DIPK2A: variants seen among roughly 807,000 people sequenced by gnomAD.
DIPK2A encodes divergent protein kinase domain 2A.
In DIPK2A, 27 loss-of-function variants were observed where a neutral mutation model predicts 39.0. That is an observed-to-expected ratio of 0.69 (90% confidence interval 0.51 to 0.96). The LOEUF (loss-of-function observed/expected upper bound fraction) is 0.96, where lower values mean the gene tolerates loss of function less well. Among genes scored for constraint, DIPK2A ranks in the 40% least tolerant of loss-of-function variants. The pLI is 0.00. For synonymous variants in DIPK2A, 298 were observed against 240.8 expected, an observed-to-expected ratio of 1.24 and a Z score of -2.20; for missense variants, 528 against 571.3, an observed-to-expected ratio of 0.92 and a Z score of 0.77.
Position 143,972,551 on chromosome 3 carries a change from A to C in DIPK2A, c.219A>C (p.Val73=). 6.2e-7 allele frequency: 1 copy of C among 1,612,348 alleles called. No homozygotes were observed. The highest frequency in any genetic ancestry group is 8.5e-7 in the Non-Finnish European group (1 of 1,179,706). ...WCRRFLNGQV[V]FEAWGRLRLL... ...GCCGCTTCCTCAACGGGCAGGTGGT[A>C]TTCGAGGCGTGGGGCCGCTTGCGCC... The change falls in exon 1 of 3, where the codon GTA becomes GTC. Residue 73 remains valine (V), a synonymous_variant. Transcript: ENST00000315691.
chr3:143,980,949 A>G (rs2087820428), intron 1 of DIPK2A, among the ~76,000 whole-genome samples: 2 of 152,218 alleles, frequency 1.3e-5, no homozygotes, highest in South Asian at 4.1e-4. Context: ...GAGAAAAAAG[A>G]ATACAAGCAC....
intron 1 of DIPK2A, among the ~76,000 whole-genome samples, chr3:143,977,268 G>C (rs2087744266): frequency 6.6e-6 from 1 of 152,034 alleles, no homozygotes; most frequent in Non-Finnish European, 1.5e-5. Flanking sequence ...TATTGGATTA[G>C]ATCCTTTTCA....
At chr3:143,986,722 CAAAAAAAAAAAAA>C (rs11293429) in intron 2 of DIPK2A, among the ~76,000 whole-genome samples, 2 of 67,060 alleles carry the variant, frequency 3.0e-5, no homozygotes, top group African/African-American at 7.9e-5. Flanking sequence ...GACTCCGTCT[CAAAAAAAAAAAAA>C]AAAAAAGAAA....
chr3:143,975,254 C>T (rs867750889), intron 1 of DIPK2A, among the ~76,000 whole-genome samples: 32 of 152,104 alleles, frequency 2.1e-4, no homozygotes, highest in Middle Eastern at 3.4e-3. Context: ...TGAGTACATA[C>T]TGTGTAATAT....
chr3:143,978,660 C>CTATA (rs1213006964), intron 1 of DIPK2A: 19 of 76,062 alleles, frequency 2.5e-4, no homozygotes, highest in African/African-American at 9.1e-4. Context: ...ATATATATAT[C>CTATA]TATATATAGA....
At chr3:143,976,846 A>G (rs186389484) in intron 1 of DIPK2A, among the ~76,000 whole-genome samples, 1 of 152,062 alleles carries the variant, frequency 6.6e-6, no homozygotes, top group Admixed American at 6.5e-5. Context: ...TAAATGATAT[A>G]ATACATGCAA....
intron 1 of DIPK2A, among the ~76,000 whole-genome samples, chr3:143,982,283 G>A (rs1452644243): frequency 6.6e-6 from 1 of 152,118 alleles, no homozygotes; most frequent in Non-Finnish European, 1.5e-5. Flanking sequence ...ATTTGTAGAT[G>A]CCGTTTTAGT....
chr3:143,983,343 T>A (rs1180109641), intron 1 of DIPK2A, among the ~76,000 whole-genome samples: 1 of 152,160 alleles, frequency 6.6e-6, no homozygotes, highest in East Asian at 1.9e-4. Flanking sequence ...AAGAAAATCA[T>A]AACAGTCTCT....
At position 143,972,127 on chromosome 3, in the gene DIPK2A, G is replaced by T; in HGVS notation, c.-206G>T. ...GGGAGCTCGAGAGTTGTGGAGACTA[G>T]TGACTGGGAGAAGTCGCAGCCCGCT... On this transcript the variant is annotated 5_prime_UTR_variant, in exon 1 of 3. Transcript: ENST00000315691. The T allele has an allele frequency of 2.4e-6, 1 of 418,010 alleles. No individual in the cohort carries two copies. The allele number at this position is 418,010 out of a possible 1,614,324, so 25.9% of individuals were successfully genotyped here.
intron 1 of DIPK2A, among the ~76,000 whole-genome samples, chr3:143,983,725 G>T (rs1185458501): frequency 1.3e-5 from 2 of 152,086 alleles, no homozygotes; most frequent in East Asian, 3.8e-4. Context: ...AACTGAAGGA[G>T]ATAGAGACAC....
chr3:143,972,873 C>T lies in DIPK2A; in HGVS notation c.541C>T (p.Arg181Cys), dbSNP rs754286483. ...GCAGCGCCTTCTCGACCGCCTGGTG[C>T]GCCGCTACGCGGAGACCAAGGACTC... ...PSQRLLDRLVRRYAETKDSGS... is the reference protein window; with the variant it reads ...PSQRLLDRLVCRYAETKDSGS... The change falls in exon 1 of 3, where the codon CGC (arginine) becomes TGC (cysteine). Residue 181 changes from arginine (R) to cysteine (C), a missense_variant. Physicochemically the swap from Arg to Cys is radical, Grantham distance 180. This residue lies in a region of DIPK2A where 309 missense variants were observed against 289.8 expected (regional missense o/e 1.07). Transcript: ENST00000315691. 1 of 1,575,446 alleles carries T rather than the reference C, an allele frequency of 6.3e-7. No homozygotes were observed. Among genetic ancestry groups the T allele is most frequent in the Non-Finnish European group, 8.6e-7 (1 of 1,163,070 alleles).
At chr3:143,975,606 CTG>C (rs1347379092) in intron 1 of DIPK2A, among the ~76,000 whole-genome samples, 7 of 151,440 alleles carry the variant, frequency 4.6e-5, no homozygotes, top group Middle Eastern at 3.2e-3. Context: ...TTTTATAAAA[CTG>C]TTTATAGCTG....
Position 143,990,425 on chromosome 3 carries a change from T to C in DIPK2A, c.*584T>C, listed in dbSNP as rs1209105903. ...TAGGGCAGGATTCCCAGGTTTACTG[T>C]GTTTTTTTTTTTTTTTTTTAAAGAA... On this transcript the variant is annotated 3_prime_UTR_variant, in exon 3 of 3. Coordinates refer to ENST00000315691, the MANE Select transcript of DIPK2A (RefSeq NM_173552.5). 6.7e-6 allele frequency: 1 copy of C among 149,400 alleles called. No individual in the cohort carries two copies. Among genetic ancestry groups the C allele is most frequent in the Non-Finnish European group, 1.5e-5 (1 of 67,094 alleles). The allele number at this position is 149,400 out of a possible 1,614,324, so 9.3% of individuals were successfully genotyped here. A position where few individuals can be genotyped will look rare whatever the true frequency, so the allele number is the denominator to read the frequency against.
chr3:143,973,400 A>G, intron 1 of DIPK2A: 1 of 1,549,528 alleles, frequency 6.5e-7, no homozygotes, highest in Non-Finnish European at 8.7e-7. Context: ...AGTTCTTCTG[A>G]AGTGTTCTAC....
At chr3:143,985,902 GT>G in intron 2 of DIPK2A, 56 bp downstream of exon 2, 1 of 1,382,924 alleles carries the variant, frequency 7.2e-7, no homozygotes, top group Non-Finnish European at 9.9e-7. Flanking sequence ...TCAAAATAAT[GT>G]TTATACTTGT....
intron 2 of DIPK2A, 32 bp from the exon 3 acceptor site, chr3:143,989,478 T>G (rs1411683498): frequency 2.7e-6 from 4 of 1,481,968 alleles, no homozygotes; most frequent in Non-Finnish European, 3.7e-6. Context: ...TTAAAAAATT[T>G]TTTTCTACTT....
intron 1 of DIPK2A, among the ~76,000 whole-genome samples, chr3:143,977,462 TAAAAC>T (rs1482200608): frequency 3.3e-5 from 5 of 152,008 alleles, no homozygotes; most frequent in African/African-American, 7.2e-5. Context: ...ACACATGAAA[TAAAAC>T]AAAAACCAAA....
At position 143,973,096 on chromosome 3, in the gene DIPK2A, G is replaced by A. The variant is rs1023064366; in HGVS notation, c.657+107G>A. 10 of 1,410,782 alleles carry A rather than the reference G, an allele frequency of 7.1e-6. No individual in the cohort carries two copies. In the Admixed American group the frequency reaches 1.2e-4, roughly 17 times the overall value. 87.4% of individuals were successfully genotyped at this position (1,410,782 alleles called of 1,614,324 possible). ...GCTTGCCGCCAGTTCGGACTCGGCCGGGCTGGGCCAGGCTGCAGGCGTGGG... is the reference window on the plus strand; with the variant it reads ...GCTTGCCGCCAGTTCGGACTCGGCCAGGCTGGGCCAGGCTGCAGGCGTGGG... On this transcript the variant is annotated intron_variant, in intron 1 of 2. Transcript: ENST00000315691.
chr3:143,989,778 C>T lies in DIPK2A; in HGVS notation c.1230C>T (p.Gly410=), dbSNP rs2087954080. 1 of 1,614,038 alleles carries T rather than the reference C, an allele frequency of 6.2e-7. No homozygotes were observed. The highest frequency in any genetic ancestry group is 1.7e-5 in the Admixed American group (1 of 60,002). ...DECANPKKRY[G]RFQAAKELRE... ...GTGCCAACCCAAAGAAGCGCTATGG[C>T]AGATTCCAGGCTGCAAAAGAACTGC... is the stretch of plus-strand genomic sequence containing the variant. The change falls in exon 3 of 3, where the codon GGC becomes GGT. Residue 410 remains glycine, a synonymous_variant. Transcript: ENST00000315691.
Sources: gnomAD v4.1 joint callset for allele counts (sites outside exome capture counted in the v4.1 genomes callset) on GRCh38, gnomAD v4.1.1 for gene constraint, gnomAD v4.1.1 regional missense constraint, MANE v1.5 for transcripts, NCBI Gene and HGNC (gene_info 2026-07-23, HGNC 2026-07-21) for gene names.